Variants in SEL1L observed in about 807,000 individuals in gnomAD.
SEL1L encodes the protein protein sel-1 homolog 1.
SEL1L carries 52 observed loss-of-function variants against 109.8 expected under a neutral mutation model. That is an observed-to-expected ratio of 0.47 (90% CI 0.38 to 0.60). The LOEUF is 0.60. Among genes scored for constraint, SEL1L ranks in the 20% least tolerant of loss-of-function variants. SEL1L has a pLI of 0.00. For synonymous variants in SEL1L, 373 were observed against 339.6 expected (o/e 1.10, Z -1.08); for missense variants, 749 against 962.2 (o/e 0.78, Z 2.93).
Position 81,482,034 on chromosome 14 carries a change from G to GA in SEL1L, c.2046+2190dup, listed in dbSNP as rs34538691. On this transcript the variant is annotated intron_variant, in intron 19 of 20. Transcript: ENST00000336735. ...CAACAGAGTGAGACTCCATCTCACCGAAAAAAAAAAAAAGTAATGGAGTTA... is the reference window on the plus strand; with the variant it reads ...CAACAGAGTGAGACTCCATCTCACCGAAAAAAAAAAAAAAGTAATGGAGTTA... 7.0e-3 allele frequency among the ~76,000 whole-genome samples: 970 copies of GA among 137,728 alleles called. 6 individuals are homozygous for GA. Among genetic ancestry groups the GA allele is most frequent in the African/African-American group, 0.02 (746 of 37,682 alleles). The allele number at this position is 137,728 out of a possible 152,430, so 90.4% of individuals were successfully genotyped here. A position where few individuals can be genotyped will look rare whatever the true frequency, so the allele number is the denominator to read the frequency against.
rs1903173225 is a variant in SEL1L, at chr14:81,476,792, G to C, written c.*180C>G. ...CAAACATTCAGCTCAGTTTAGGTAA[G>C]AGTTACTTATCCCTGAAAATAAAGG... On this transcript the variant is annotated 3_prime_UTR_variant, in exon 21 of 21. Coordinates refer to ENST00000336735, the MANE Select transcript of SEL1L (RefSeq NM_005065.6). 1 of 604,126 alleles carries C rather than the reference G, an allele frequency of 1.7e-6. No homozygotes were observed. The highest frequency in any genetic ancestry group is 2.2e-5 in the South Asian group (1 of 44,508). 37.4% of individuals were successfully genotyped at this position (604,126 alleles called of 1,614,324 possible).
chr14:81,510,284 G>A (rs556054995), intron 3 of SEL1L, among the ~76,000 whole-genome samples: 1 of 152,230 alleles, frequency 6.6e-6, no homozygotes, highest in African/African-American at 2.4e-5. Flanking sequence ...GAGAGAAAGG[G>A]AAATCAGTGA....
chr14:81,532,806 G>A (rs1362110781), intron 1 of SEL1L, among the ~76,000 whole-genome samples: 1 of 152,066 alleles, frequency 6.6e-6, no homozygotes, highest in East Asian at 1.9e-4. Context: ...CAGAACACCT[G>A]TCCTGTTAAC....
intron 3 of SEL1L, among the ~76,000 whole-genome samples, chr14:81,514,492 C>G (rs1168454225): frequency 6.6e-6 from 1 of 152,168 alleles, no homozygotes; most frequent in African/African-American, 2.4e-5. Context: ...TCCGATTTTT[C>G]TCAGTCCTCT....
intron 17 of SEL1L, among the ~76,000 whole-genome samples, chr14:81,486,022 T>C (rs190841816): frequency 3.1e-4 from 47 of 152,318 alleles, no homozygotes; most frequent in African/African-American, 1.1e-3. Flanking sequence ...GAAAATGGCA[T>C]TTTTGTATCC....
chr14:81,483,442 G>GT (rs1207900077), intron 19 of SEL1L, among the ~76,000 whole-genome samples: 3 of 152,004 alleles, frequency 2.0e-5, no homozygotes, highest in South Asian at 4.1e-4. Flanking sequence ...TTTGTTTCAG[G>GT]TAAGTATGAT....
chr14:81,505,495 A>C (rs1191849044), intron 4 of SEL1L, among the ~76,000 whole-genome samples: 1 of 152,172 alleles, frequency 6.6e-6, no homozygotes, highest in Non-Finnish European at 1.5e-5. Context: ...GATTGCCCAA[A>C]TATTCTATAA....
chr14:81,486,169 A>G, intron 17 of SEL1L, 120 bp downstream of exon 17: 2 of 967,512 alleles, frequency 2.1e-6, no homozygotes, highest in Non-Finnish European at 3.1e-6. Context: ...CTGTGTGTTC[A>G]GTTCCAGTTA....
At chr14:81,492,359 C>T (rs557627993) in intron 12 of SEL1L, 121 bp downstream of exon 12, 29 of 757,014 alleles carry the variant, frequency 3.8e-5, no homozygotes, top group Middle Eastern at 4.7e-4. Flanking sequence ...ATATAATAGT[C>T]TTGCACTAGA....
intron 6 of SEL1L, among the ~76,000 whole-genome samples, chr14:81,502,497 G>A (rs1884055970): frequency 6.6e-6 from 1 of 152,190 alleles, no homozygotes; most frequent in Non-Finnish European, 1.5e-5. Flanking sequence ...GAGTACAAAT[G>A]TAATTGTAGC....
intron 1 of SEL1L, 103 bp downstream of exon 1, chr14:81,533,572 A>T (rs1794536356): frequency 1.0e-5 from 11 of 1,088,442 alleles, no homozygotes; most frequent in East Asian, 2.5e-5. Context: ...AGATGTGCCC[A>T]GGGAGAACGG....
At chr14:81,493,269 G>C (rs1363893210) in intron 11 of SEL1L, among the ~76,000 whole-genome samples, 1 of 152,086 alleles carries the variant, frequency 6.6e-6, no homozygotes, top group East Asian at 1.9e-4. Flanking sequence ...CTGCACTTTG[G>C]GAGGCCAAGA....
rs763761344 is a variant in SEL1L at position 81,499,598 on chromosome 14, A to G, written c.831+11T>C. On this transcript the variant is annotated intron_variant, in intron 7 of 20. Coordinates refer to ENST00000336735, the MANE Select transcript of SEL1L (RefSeq NM_005065.6). ...AAATTGTAATATGCAATAAAGTTTT[A>G]ATAGTATTACCTTTGCCTGACTTGA... 1.2e-6 allele frequency: 2 copies of G among 1,611,146 alleles called. No homozygotes were observed. The highest frequency in any genetic ancestry group is 3.4e-5 in the Admixed American group (2 of 59,438).
chr14:81,533,660 G>C lies in SEL1L; in HGVS notation c.70+15C>G. 1 of 1,611,424 alleles carries C rather than the reference G, an allele frequency of 6.2e-7. No homozygotes were observed. Among genetic ancestry groups the C allele is most frequent in the East Asian group, 2.2e-5 (1 of 44,810 alleles). On this transcript the variant is annotated intron_variant, in intron 1 of 20. Transcript: ENST00000336735. ...GGAGGCTCTGGGCCTTCAGCCCGAG[G>C]GGGCGGATACTGACCCGAGGACGCC...
chr14:81,497,851 C>A, intron 10 of SEL1L, 41 bp downstream of exon 10: 1 of 1,577,362 alleles, frequency 6.3e-7, no homozygotes, highest in Non-Finnish European at 8.6e-7. Context: ...TTAAAATATA[C>A]AATGCAGTAA....
chr14:81,505,489 G>C (rs1046568508), intron 4 of SEL1L, among the ~76,000 whole-genome samples: 4 of 152,086 alleles, frequency 2.6e-5, no homozygotes, highest in African/African-American at 9.7e-5. Context: ...TTTTAGGATT[G>C]CCCAAATATT....
chr14:81,513,327 A>G (rs1884563991), intron 3 of SEL1L, among the ~76,000 whole-genome samples: 1 of 152,170 alleles, frequency 6.6e-6, no homozygotes, highest in African/African-American at 2.4e-5. Context: ...CGCTCTTCAC[A>G]ATAAATCTTG....
At position 81,492,530 on chromosome 14, in the gene SEL1L, T is replaced by C; in HGVS notation, c.1204A>G (p.Asn402Asp). 1.9e-6 allele frequency: 3 copies of C among 1,611,732 alleles called. No homozygotes were observed. Among genetic ancestry groups the C allele is most frequent in the Non-Finnish European group, 1.7e-6 (2 of 1,178,320 alleles). The change falls in exon 12 of 21, where the codon AAT becomes GAT. Residue 402 changes from asparagine to aspartate, a missense_variant. Around this residue, in one of 2 missense-constraint regions of SEL1L, gnomAD observed 383 missense variants for 562.5 expected, o/e 0.68. Coordinates refer to ENST00000336735, the MANE Select transcript of SEL1L (RefSeq NM_005065.6). The stretch of plus-strand genomic sequence containing the variant: ...GAATTGCCAGCATTTGCTGCTAAAT[T>C]GAAGTAGTCAAATGCTCTCTATGAG... ...QNHQRAFDYFNLAANAGNSHA... is the reference protein window; with the variant it reads ...QNHQRAFDYFDLAANAGNSHA...
intron 3 of SEL1L, among the ~76,000 whole-genome samples, chr14:81,510,498 C>A (rs1566619731): frequency 2.4e-5 from 3 of 125,550 alleles, no homozygotes; most frequent in Non-Finnish European, 5.1e-5. Context: ...CTCTCTCTCT[C>A]TCTCTCTCTC....
Sources: gnomAD v4.1 joint callset for allele counts (sites outside exome capture counted in the v4.1 genomes callset) on GRCh38, gnomAD v4.1.1 for gene constraint, gnomAD v4.1.1 regional missense constraint, MANE v1.5 for transcripts, NCBI Gene and HGNC (gene_info 2026-07-23, HGNC 2026-07-21) for gene names.